PTPRD: variants seen among roughly 807,000 people sequenced by gnomAD.
PTPRD encodes the protein receptor-type tyrosine-protein phosphatase delta.
PTPRD carries 34 observed loss-of-function variants against 214.5 expected under a neutral mutation model. That is an observed-to-expected ratio of 0.16 (90% confidence interval 0.12 to 0.21). The LOEUF (loss-of-function observed/expected upper bound fraction) is 0.21. Ranked by LOEUF, PTPRD falls within the 10% of genes least tolerant of loss-of-function variation. The probability of loss-of-function intolerance (pLI) is 1.00; values close to 1 mark genes in which losing one functional copy is unlikely to be tolerated. For missense variants in PTPRD, 2,545 were observed against 2,398.7 expected, an observed-to-expected ratio of 1.06 and a Z score of -1.27; for synonymous variants, 1,128 against 845.7, an observed-to-expected ratio of 1.33 and a Z score of -5.79.
intron 14 of PTPRD, among the ~76,000 whole-genome samples, chr9:8,603,969 C>T (rs533322988): frequency 3.6e-4 from 55 of 152,284 alleles, no homozygotes; most frequent in African/African-American, 1.3e-3. Flanking sequence ...GTTTCTCCTA[C>T]CTGTCCTGGA....
intron 7 of PTPRD, among the ~76,000 whole-genome samples, chr9:9,717,927 T>G (rs1411228738): frequency 3.3e-5 from 2 of 60,180 alleles, no homozygotes; most frequent in Non-Finnish European, 5.8e-5. Flanking sequence ...TGGAAAGACT[T>G]GAAATAAAAA....
chr9:9,900,641 G>GTTTTTTTTTTTTTTTTTTTTTTT, intron 5 of PTPRD, among the ~76,000 whole-genome samples: 2 of 120,104 alleles, frequency 1.7e-5, no homozygotes, highest in South Asian at 2.7e-4. Flanking sequence ...ACATTTTCAG[G>GTTTTTTTTTTTTTTTTTTTTTTT]TTTTTTTTTT....
intron 3 of PTPRD, among the ~76,000 whole-genome samples, chr9:10,327,926 G>A (rs1034141235): frequency 2.0e-5 from 3 of 151,748 alleles, no homozygotes; most frequent in Non-Finnish European, 4.4e-5. Context: ...CCTTGCAGCT[G>A]TACATTGCAG....
At position 8,752,679 on chromosome 9, in the gene PTPRD, A is replaced by C. The variant is rs73419265; in HGVS notation, c.-103-18733T>G. On this transcript the variant is annotated intron_variant, in intron 11 of 45. Transcript: ENST00000381196. ...CCAGACTAGCCTGGTGGAGGATGAA[A>C]GACCATGGGGAGCAGAGATGAACTA... Among the ~76,000 whole-genome samples the C allele has an allele frequency of 3.5e-3, 540 of 152,238 alleles. 2 individuals are homozygous for C. The highest frequency in any genetic ancestry group is 0.012 in the African/African-American group (516 of 41,538).
At chr9:9,804,046 T>C (rs556749650) in intron 5 of PTPRD, among the ~76,000 whole-genome samples, 1 of 152,212 alleles carries the variant, frequency 6.6e-6, no homozygotes, top group Admixed American at 6.5e-5. Flanking sequence ...ATCAGAAATG[T>C]AGTGTGTGAG....
At chr9:9,928,753 T>TACACACACACACA (rs1259839394) in intron 5 of PTPRD, among the ~76,000 whole-genome samples, 2 of 101,738 alleles carry the variant, frequency 2.0e-5, no homozygotes, top group African/African-American at 1.7e-4. Context: ...CATCTCTCTC[T>TACACACACACACA]CTATACACAC....
chr9:9,923,103 A>T (rs1017371171), intron 5 of PTPRD, among the ~76,000 whole-genome samples: 1 of 141,216 alleles, frequency 7.1e-6, no homozygotes, highest in Non-Finnish European at 1.5e-5. Flanking sequence ...AAGGAAAAAA[A>T]AAGGACTGTG....
At position 8,486,184 on chromosome 9, in the gene PTPRD, T is replaced by C. The variant is rs2135960151; in HGVS notation, c.2633A>G (p.Asp878Gly). Residue 878 changes from aspartate (D) to glycine (G), a missense_variant, in exon 28 of 46, where the codon GAT becomes GGT. By Grantham distance (94) the Asp-to-Gly change is moderately conservative. Coordinates refer to ENST00000381196, the MANE Select transcript of PTPRD (RefSeq NM_002839.4). Reference protein sequence around the residue: ...LTTLEFSEKEDHFTATDIHKG... With the variant: ...LTTLEFSEKEGHFTATDIHKG... Reference sequence around the variant, plus strand: ...GTGGATGTCTGTAGCTGTAAAGTGATCTTCTTTTTCAGAGAACTCAAGAGT... The same window carrying C: ...GTGGATGTCTGTAGCTGTAAAGTGACCTTCTTTTTCAGAGAACTCAAGAGT... The C allele has an allele frequency of 1.9e-6, 3 of 1,614,192 alleles. No homozygotes were observed. The highest frequency in any genetic ancestry group is 2.5e-6 in the Non-Finnish European group (3 of 1,180,020).
intron 2 of PTPRD, among the ~76,000 whole-genome samples, chr9:10,419,796 A>G (rs1377118437): frequency 1.3e-5 from 2 of 151,782 alleles, no homozygotes; most frequent in East Asian, 3.9e-4. Flanking sequence ...ATTTCTTTAC[A>G]TTAATACTTC....
intron 5 of PTPRD, among the ~76,000 whole-genome samples, chr9:9,850,323 T>C (rs1235427601): frequency 6.6e-6 from 1 of 152,112 alleles, no homozygotes; most frequent in African/African-American, 2.4e-5. Context: ...GCTCATCATA[T>C]AGTAAAGAAG....
chr9:9,058,494 G>C (rs988094509), intron 10 of PTPRD, among the ~76,000 whole-genome samples: 1 of 120,356 alleles, frequency 8.3e-6, no homozygotes, highest in African/African-American at 2.9e-5. Flanking sequence ...TGTCGCCCAG[G>C]CTGGAGTGCA....
chr9:10,050,178 A>T (rs1344057493), intron 3 of PTPRD, among the ~76,000 whole-genome samples: 1 of 152,050 alleles, frequency 6.6e-6, no homozygotes, highest in African/African-American at 2.4e-5. Context: ...GGTGACTAAG[A>T]AAAGAGGAAG....
chr9:8,557,418 T>C (rs913847633), intron 14 of PTPRD, among the ~76,000 whole-genome samples: 7 of 134,156 alleles, frequency 5.2e-5, no homozygotes, highest in African/African-American at 2.6e-4. Context: ...AAACTCTTTA[T>C]TTTTCATTTG....
chr9:10,414,332 G>GA (rs1299584593), intron 2 of PTPRD, among the ~76,000 whole-genome samples: 3 of 151,890 alleles, frequency 2.0e-5, no homozygotes, highest in African/African-American at 4.8e-5. Context: ...ACAAGCACAT[G>GA]AAAAAAGCTC....
chr9:8,652,148 CCA>C (rs1459242809), intron 12 of PTPRD, among the ~76,000 whole-genome samples: 8 of 152,116 alleles, frequency 5.3e-5, no homozygotes, highest in Non-Finnish European at 1.0e-4. Flanking sequence ...AAGGATTTTC[CCA>C]CACAGAAATA....
chr9:10,583,748 G>T (rs1408187338), intron 2 of PTPRD, among the ~76,000 whole-genome samples: 1 of 152,172 alleles, frequency 6.6e-6, no homozygotes, highest in Non-Finnish European at 1.5e-5. Flanking sequence ...AAAGTGCTGG[G>T]ATTACAGGCG....
At chr9:10,387,435 G>T (rs1323717198) in intron 2 of PTPRD, among the ~76,000 whole-genome samples, 1 of 151,810 alleles carries the variant, frequency 6.6e-6, no homozygotes, top group Non-Finnish European at 1.5e-5. Context: ...TATATCAGAA[G>T]GCATAGGTCT....
intron 11 of PTPRD, among the ~76,000 whole-genome samples, chr9:8,852,226 A>G (rs2570301): frequency 0.57 from 86,800 of 152,080 alleles, 26,233 homozygotes; most frequent in African/African-American, 0.79. Context: ...TACATTAAAG[A>G]ACATAGCTCA....
intron 2 of PTPRD, among the ~76,000 whole-genome samples, chr9:10,410,623 A>G (rs890933120): frequency 6.6e-6 from 1 of 151,712 alleles, no homozygotes; most frequent in Non-Finnish European, 1.5e-5. Context: ...AAATAACTGA[A>G]AAAAAGTACT....
Sources: gnomAD v4.1 joint callset for allele counts (sites outside exome capture counted in the v4.1 genomes callset) on GRCh38, gnomAD v4.1.1 for gene constraint, MANE v1.5 for transcripts, NCBI Gene and HGNC (gene_info 2026-07-23, HGNC 2026-07-21) for gene names.